Variants in THSD7B observed in about 807,000 individuals in gnomAD.
THSD7B encodes thrombospondin type-1 domain-containing protein 7B.
A neutral mutation model predicts 213.6 loss-of-function variants in THSD7B; 138 were observed. The observed-to-expected ratio is 0.65, with a 90% CI of 0.56 to 0.74. The LOEUF (loss-of-function observed/expected upper bound fraction) is 0.74, where lower values mean the gene tolerates loss of function less well. Among genes scored for constraint, THSD7B ranks in the 30% least tolerant of loss-of-function variants. The pLI, the probability that THSD7B is intolerant of heterozygous loss-of-function variation, is 0.00. For missense variants in THSD7B, 1,931 were observed against 1,991.5 expected (o/e 0.97, Z 0.58); for synonymous variants, 742 against 687.0 (o/e 1.08, Z -1.25).
chr2:137,665,767 A>G (rs1029484468), intron 26 of THSD7B, among the ~76,000 whole-genome samples: 1 of 152,164 alleles, frequency 6.6e-6, no homozygotes, highest in Non-Finnish European at 1.5e-5. Context: ...TAATGGGAAA[A>G]CCAAAATATG....
At chr2:136,981,323 G>C (rs1237317599) in intron 2 of THSD7B, among the ~76,000 whole-genome samples, 3 of 152,152 alleles carry the variant, frequency 2.0e-5, no homozygotes, top group African/African-American at 7.2e-5. Flanking sequence ...TGATTAAAGA[G>C]AGCAGAATAT....
At chr2:136,868,120 GCACACA>G (rs10671218) in intron 1 of THSD7B, among the ~76,000 whole-genome samples, 16 of 149,260 alleles carry the variant, frequency 1.1e-4, no homozygotes, top group African/African-American at 3.4e-4. Flanking sequence ...ACACGCGCGC[GCACACA>G]CACACACACA....
At position 136,882,460 on chromosome 2, in the gene THSD7B, T is replaced by C. The variant is rs552989477; in HGVS notation, c.139+143T>C. 1.0e-4 allele frequency: 98 copies of C among 984,730 alleles called. 1 individual carries two copies. The South Asian group carries it at 3.1e-3, about 31-fold the overall frequency. The allele number at this position is 984,730 out of a possible 1,614,324, so 61.0% of individuals were successfully genotyped here. ...TCTTTTTTTTAAATTCTGCAGCTCATATTTGATTTTTTACTCCTGCATAAT... is the reference window on the plus strand; with the variant it reads ...TCTTTTTTTTAAATTCTGCAGCTCACATTTGATTTTTTACTCCTGCATAAT... On this transcript the variant is annotated intron_variant, in intron 2 of 27. Coordinates refer to ENST00000409968, the MANE Select transcript of THSD7B (RefSeq NM_001316349.2).
chr2:137,028,244 A>G (rs1329061622), intron 2 of THSD7B, among the ~76,000 whole-genome samples: 2 of 152,230 alleles, frequency 1.3e-5, no homozygotes, highest in African/African-American at 4.8e-5. Flanking sequence ...AAGTATGAGC[A>G]TATGGAACTT....
chr2:136,766,088 C>T (rs1371771180), intron 1 of THSD7B, among the ~76,000 whole-genome samples: 2 of 152,226 alleles, frequency 1.3e-5, no homozygotes, highest in African/African-American at 2.4e-5. Flanking sequence ...GGTTTCCCGT[C>T]CTGCGCGGAG....
At position 137,405,653 on chromosome 2, in the gene THSD7B, G is replaced by A; in HGVS notation, c.2541G>A (p.Met847Ile). 1 of 1,610,996 alleles carries A rather than the reference G, an allele frequency of 6.2e-7. No homozygotes were observed. Among genetic ancestry groups the A allele is most frequent in the Non-Finnish European group, 8.5e-7 (1 of 1,178,604 alleles). The change falls in exon 13 of 28, where the codon ATG becomes ATA. Residue 847 changes from methionine (M) to isoleucine (I), a missense_variant. Coordinates refer to ENST00000409968, the MANE Select transcript of THSD7B (RefSeq NM_001316349.2). ...CISDDNRSAE[M>I]MECLKQTNGM... The stretch of plus-strand genomic sequence containing the variant: ...CTGATGACAACCGGTCAGCAGAAAT[G>A]ATGGAATGCCTCAAGCAGACAAACG...
At chr2:137,226,976 G>A (rs1340330190) in intron 7 of THSD7B, among the ~76,000 whole-genome samples, 1 of 152,132 alleles carries the variant, frequency 6.6e-6, no homozygotes, top group Admixed American at 6.5e-5. Flanking sequence ...AAAGAAGCCA[G>A]ATGCAAAAGA....
chr2:137,087,531 C>A (rs1407091863), intron 3 of THSD7B, among the ~76,000 whole-genome samples: 58 of 152,144 alleles, frequency 3.8e-4, no homozygotes, highest in Admixed American at 3.7e-3. Context: ...AGAATCAAAT[C>A]AAGAACTGAA....
intron 3 of THSD7B, among the ~76,000 whole-genome samples, chr2:137,064,958 T>G (rs13004880): frequency 0.1 from 15,236 of 151,878 alleles, 999 homozygotes; most frequent in African/African-American, 0.19. Context: ...CAGTTTTTTT[T>G]TTGTTGTTGT....
At chr2:137,147,816 C>T (rs1290035059) in intron 5 of THSD7B, among the ~76,000 whole-genome samples, 2 of 152,116 alleles carry the variant, frequency 1.3e-5, no homozygotes, top group Non-Finnish European at 2.9e-5. Flanking sequence ...CCGGATCTTC[C>T]TGTTCCCTTT....
chr2:137,483,378 C>G (rs941668443), intron 15 of THSD7B, among the ~76,000 whole-genome samples: 1 of 152,176 alleles, frequency 6.6e-6, no homozygotes, highest in Non-Finnish European at 1.5e-5. Flanking sequence ...GGGAGCTTGT[C>G]TCTAGAGTCT....
At chr2:137,234,041 T>A (rs911152497) in intron 9 of THSD7B, among the ~76,000 whole-genome samples, 5 of 152,128 alleles carry the variant, frequency 3.3e-5, no homozygotes, top group Admixed American at 2.6e-4. Flanking sequence ...GCTGGGAGAA[T>A]GAAACTCATT....
intron 24 of THSD7B, 60 bp from the exon 25 acceptor site, chr2:137,659,604 C>CA: frequency 3.4e-6 from 5 of 1,484,792 alleles, no homozygotes; most frequent in Non-Finnish European, 3.6e-6. Context: ...AAAAAAATAC[C>CA]AAAAAATTAG....
At chr2:137,245,360 C>T (rs891188846) in intron 10 of THSD7B, among the ~76,000 whole-genome samples, 2 of 152,138 alleles carry the variant, frequency 1.3e-5, no homozygotes, top group Non-Finnish European at 2.9e-5. Context: ...TAGACCACCT[C>T]CTGACACTGA....
chr2:137,585,064 T>C (rs966053054), intron 17 of THSD7B, among the ~76,000 whole-genome samples: 2 of 152,220 alleles, frequency 1.3e-5, no homozygotes, highest in Non-Finnish European at 2.9e-5. Flanking sequence ...GGTTTAGTCT[T>C]GGGAAGTTGT....
At chr2:136,855,419 C>T (rs1683161823) in intron 1 of THSD7B, among the ~76,000 whole-genome samples, 1 of 151,590 alleles carries the variant, frequency 6.6e-6, no homozygotes, top group South Asian at 2.1e-4. Flanking sequence ...TGCCTGTTTC[C>T]CTTCTTCTTC....
intron 12 of THSD7B, among the ~76,000 whole-genome samples, chr2:137,389,133 C>T (rs1015725149): frequency 1.3e-5 from 2 of 148,220 alleles, no homozygotes; most frequent in Non-Finnish European, 3.0e-5. Context: ...TACATTACCA[C>T]TAACAGTGTA....
At chr2:136,802,613 C>A (rs1405385796) in intron 1 of THSD7B, among the ~76,000 whole-genome samples, 2 of 122,258 alleles carry the variant, frequency 1.6e-5, no homozygotes, top group Admixed American at 9.8e-5. Context: ...ATTATAATGC[C>A]TTTAAAAATA....
At chr2:137,178,752 T>C (rs965200162) in intron 7 of THSD7B, among the ~76,000 whole-genome samples, 2 of 152,208 alleles carry the variant, frequency 1.3e-5, no homozygotes, top group African/African-American at 4.8e-5. Context: ...CAGGTTTAAA[T>C]ATATTTACTG....
Sources: gnomAD v4.1 joint callset for allele counts (sites outside exome capture counted in the v4.1 genomes callset) on GRCh38, gnomAD v4.1.1 for gene constraint, MANE v1.5 for transcripts, NCBI Gene and HGNC (gene_info 2026-07-23, HGNC 2026-07-21) for gene names.